The following HIVEP3 variants were observed in gnomAD, a reference collection of about 807,000 sequenced individuals.
HIVEP3 encodes the protein transcription factor HIVEP3.
Under a neutral mutation model 152.8 loss-of-function variants are expected in HIVEP3, and 49 were observed. The ratio of observed to expected loss-of-function variants is 0.32; its 90% confidence interval spans 0.26 to 0.41. The LOEUF is 0.41. HIVEP3 is among the 10% of genes least tolerant of loss of function. The probability of loss-of-function intolerance (pLI) is 1.00; values close to 1 mark genes in which losing one functional copy is unlikely to be tolerated. For missense variants in HIVEP3, 2,790 were observed against 3,103.3 expected (o/e 0.90, Z 2.40); for synonymous variants, 1,269 against 1,289.0 (o/e 0.98, Z 0.33).
At chr1:41,615,986 A>C in intron 3 of HIVEP3, among the ~76,000 whole-genome samples, 1 of 152,174 alleles carries the variant, frequency 6.6e-6, no homozygotes, top group East Asian at 1.9e-4. Flanking sequence ...CTCTCTGCTA[A>C]GATGACACTC....
At chr1:41,782,986 T>G (rs552702577) in intron 1 of HIVEP3, among the ~76,000 whole-genome samples, 2 of 152,152 alleles carry the variant, frequency 1.3e-5, no homozygotes, top group African/African-American at 4.8e-5. Flanking sequence ...CAGCGGGGCT[T>G]CAGGGTGCCA....
At chr1:41,625,701 C>G (rs1645107727) in intron 3 of HIVEP3, among the ~76,000 whole-genome samples, 1 of 152,160 alleles carries the variant, frequency 6.6e-6, no homozygotes, top group African/African-American at 2.4e-5. Context: ...CACCACTATA[C>G]TCTAGCCTGG....
At chr1:41,621,492 T>G (rs1321412763) in intron 3 of HIVEP3, among the ~76,000 whole-genome samples, 1 of 152,236 alleles carries the variant, frequency 6.6e-6, no homozygotes. Flanking sequence ...AGCTCAGCAA[T>G]GAGCCTGCTC....
rs1305146262 is a variant in HIVEP3 at position 41,510,724 on chromosome 1, G to A, written c.6948C>T (p.Pro2316=). 1 of 1,544,990 alleles carries A rather than the reference G, an allele frequency of 6.5e-7. No individual in the cohort carries two copies. The highest frequency in any genetic ancestry group is 8.7e-7 in the Non-Finnish European group (1 of 1,145,508). ...HSPCTPPDTL[P]RPPQGRRAAQ... ...CTGCCCGGCGTCCCTGGGGCGGCCG[G>A]GGCAAGGTGTCGGGTGGGGTGCAGG... The change falls in exon 9 of 9, where the codon CCC becomes CCT. Residue 2316 remains proline (P), a synonymous_variant. Coordinates refer to ENST00000372583, the MANE Select transcript of HIVEP3 (RefSeq NM_024503.5).
chr1:41,714,994 A>G (rs1470243617), intron 1 of HIVEP3, among the ~76,000 whole-genome samples: 1 of 152,110 alleles, frequency 6.6e-6, no homozygotes, highest in African/African-American at 2.4e-5. Context: ...CAGGCCTGGC[A>G]TCTCACTGGT....
At chr1:41,680,989 G>GA (rs952386751) in intron 2 of HIVEP3, among the ~76,000 whole-genome samples, 1 of 152,154 alleles carries the variant, frequency 6.6e-6, no homozygotes, top group African/African-American at 2.4e-5. Context: ...ATAATCCCTG[G>GA]AGGGGGTATT....
At chr1:41,575,846 C>T (rs1360795592) in intron 4 of HIVEP3, among the ~76,000 whole-genome samples, 157 bp from the exon 5 acceptor site, 2 of 152,226 alleles carry the variant, frequency 1.3e-5, no homozygotes. Flanking sequence ...CTCCACTTTA[C>T]AGAATTAAGG....
At chr1:41,554,172 A>G (rs1172964797) in intron 5 of HIVEP3, among the ~76,000 whole-genome samples, 1 of 152,104 alleles carries the variant, frequency 6.6e-6, no homozygotes, top group Non-Finnish European at 1.5e-5. Flanking sequence ...ATAGTCCCAT[A>G]TTTTTTGGAG....
intron 1 of HIVEP3, among the ~76,000 whole-genome samples, chr1:41,762,482 A>G (rs538787904): frequency 6.6e-6 from 1 of 152,212 alleles, no homozygotes; most frequent in African/African-American, 2.4e-5. Context: ...AGTGGACTAA[A>G]GGAGCTGTTA....
chr1:41,866,026 G>C (rs1298582135), intron 1 of HIVEP3, among the ~76,000 whole-genome samples: 1 of 152,202 alleles, frequency 6.6e-6, no homozygotes, highest in Non-Finnish European at 1.5e-5. Flanking sequence ...GATGGCAGCT[G>C]GCAACTGGGC....
At chr1:41,814,800 T>C (rs1306325434) in intron 1 of HIVEP3, among the ~76,000 whole-genome samples, 1 of 152,218 alleles carries the variant, frequency 6.6e-6, no homozygotes, top group Admixed American at 6.5e-5. Context: ...CATTTTAAAA[T>C]GGAGAGTTGC....
chr1:41,700,294 C>A (rs77670358), intron 2 of HIVEP3, among the ~76,000 whole-genome samples: 1 of 152,192 alleles, frequency 6.6e-6, no homozygotes, highest in Non-Finnish European at 1.5e-5. Flanking sequence ...GTCCTGATGA[C>A]GAGGTCATGA....
chr1:41,560,780 G>A (rs574029292), intron 5 of HIVEP3, among the ~76,000 whole-genome samples: 6 of 152,310 alleles, frequency 3.9e-5, no homozygotes, highest in Non-Finnish European at 4.4e-5. Context: ...TCTGAGGCCA[G>A]AGCACCCTCT....
chr1:41,817,153 G>A lies in HIVEP3; in HGVS notation c.-801+101260C>T, dbSNP rs188661526. ...TTACTGAATGCTTATTGAGGAGCCC[G>A]CTGCTGGCTGAGTAAGGTTTTCTTG... On this transcript the variant is annotated intron_variant, in intron 1 of 8. Transcript: ENST00000372583. 7.2e-4 allele frequency among the ~76,000 whole-genome samples: 110 copies of A among 152,302 alleles called. 1 individual carries two copies. The East Asian group carries it at 0.02, about 28-fold the overall frequency.
chr1:42,003,031 T>G (rs1011529305), intron 1 of HIVEP3, among the ~76,000 whole-genome samples: 1 of 152,222 alleles, frequency 6.6e-6, no homozygotes, highest in Non-Finnish European at 1.5e-5. Flanking sequence ...TAACTAATAT[T>G]TTTAAATATC....
chr1:41,516,230 A>C (rs1642602117), intron 7 of HIVEP3, among the ~76,000 whole-genome samples: 3 of 152,218 alleles, frequency 2.0e-5, no homozygotes, highest in African/African-American at 4.8e-5. Flanking sequence ...CAAATGAGAG[A>C]GCTTGAGCGC....
At chr1:41,745,608 CTA>C (rs1647059727) in intron 1 of HIVEP3, among the ~76,000 whole-genome samples, 1 of 152,206 alleles carries the variant, frequency 6.6e-6, no homozygotes, top group South Asian at 2.1e-4. Flanking sequence ...TCGTGACTTG[CTA>C]TAGACATACC....
intron 1 of HIVEP3, among the ~76,000 whole-genome samples, chr1:41,959,240 T>C (rs1645156419): frequency 6.6e-6 from 1 of 152,200 alleles, no homozygotes; most frequent in South Asian, 2.1e-4. Context: ...ACCAACTGGC[T>C]TGATGGTGAC....
intron 3 of HIVEP3, among the ~76,000 whole-genome samples, chr1:41,592,577 C>T (rs1482635719): frequency 1.3e-5 from 2 of 152,174 alleles, no homozygotes; most frequent in Non-Finnish European, 2.9e-5. Context: ...TAAAAGGCAA[C>T]CCTCCCCGTG....
Sources: allele counts gnomAD v4.1 joint callset (sites outside exome capture counted in the v4.1 genomes callset), GRCh38; gene constraint gnomAD v4.1.1; transcripts MANE v1.5; gene names NCBI Gene and HGNC (gene_info 2026-07-23, HGNC 2026-07-21).